Variants in HCK observed in about 807,000 individuals in gnomAD.
HCK encodes tyrosine-protein kinase HCK.
HCK carries 40 observed loss-of-function variants against 70.4 expected under a neutral mutation model. That is an observed-to-expected ratio of 0.57 (90% CI 0.44 to 0.74). The LOEUF is 0.74. Among genes scored for constraint, HCK ranks in the 30% least tolerant of loss-of-function variants. The pLI, the probability that HCK is intolerant of heterozygous loss-of-function variation, is 0.00. For missense variants in HCK, 568 were observed against 697.2 expected (o/e 0.81, Z 2.09); for synonymous variants, 245 against 263.2 (o/e 0.93, Z 0.67).
intron 11 of HCK, among the ~76,000 whole-genome samples, chr20:32,094,838 AAAGAAAG>A (rs1451596968): frequency 4.0e-5 from 5 of 124,788 alleles, no homozygotes; most frequent in East Asian, 2.4e-4. Flanking sequence ...AGAAAGAAAG[AAAGAAAG>A]AAAGAAAAGA....
Position 32,083,888 on chromosome 20 carries a change from A to G in HCK, c.533-6A>G. 1.2e-6 allele frequency: 2 copies of G among 1,614,150 alleles called. No individual in the cohort carries two copies. The highest frequency in any genetic ancestry group is 8.5e-7 in the Non-Finnish European group (1 of 1,180,028). On this transcript the variant is annotated splice_region_variant and splice_polypyrimidine_tract_variant and intron_variant, in intron 6 of 12. Transcript: ENST00000375852. ...ATTCTGAGGGGTTTCTCTTTGGTCA[A>G]TTCAGGAAGCTACTCTTTGTCCGTG...
intron 6 of HCK, among the ~76,000 whole-genome samples, chr20:32,082,501 G>C (rs1022517100): frequency 6.6e-6 from 1 of 152,038 alleles, no homozygotes. Flanking sequence ...AATTAGCCGG[G>C]CGTAGTGGCG....
chr20:32,093,594 C>T (rs2045894227), intron 10 of HCK, among the ~76,000 whole-genome samples: 1 of 151,962 alleles, frequency 6.6e-6, no homozygotes, highest in African/African-American at 2.4e-5. Context: ...ATTGCTTTTT[C>T]CCTGAGAACA....
chr20:32,070,354 C>G (rs754535151), intron 1 of HCK, among the ~76,000 whole-genome samples: 25 of 152,360 alleles, frequency 1.6e-4, no homozygotes, highest in Non-Finnish European at 3.1e-4. Flanking sequence ...AAAGTCCTTA[C>G]TGGCCCTACA....
chr20:32,069,755 A>G (rs769801370), intron 1 of HCK: 91 of 1,277,390 alleles, frequency 7.1e-5, no homozygotes, highest in Non-Finnish European at 9.1e-5. Flanking sequence ...AGAAGAGGTA[A>G]ATCCTTGTAA....
intron 11 of HCK, 22 bp downstream of exon 11, chr20:32,094,038 C>T: frequency 6.3e-7 from 1 of 1,598,854 alleles, no homozygotes; most frequent in Non-Finnish European, 8.5e-7. Flanking sequence ...TGCCAAGCAG[C>T]CCCACGTTGC....
Position 32,094,738 on chromosome 20 carries a change from A to AAAGG in HCK, c.1246+725_1246+726insGAAG, listed in dbSNP as rs1569009608. On this transcript the variant is annotated intron_variant, in intron 11 of 12. Coordinates refer to ENST00000375852, the MANE Select transcript of HCK (RefSeq NM_002110.5). ...GAAAGAAAGAAAGAAAGAAAGAAAG[A>AAAGG]AAGAAAGAAAGAAAGAAAGAAAGAA... Among the ~76,000 whole-genome samples, 34 of 137,604 alleles carry AAAGG rather than the reference A, an allele frequency of 2.5e-4. 2 individuals are homozygous for AAAGG. The highest frequency in any genetic ancestry group is 8.5e-4 in the African/African-American group (31 of 36,476). The allele number at this position is 137,604 out of a possible 152,430, so 90.3% of individuals were successfully genotyped here. A position where few individuals can be genotyped will look rare whatever the true frequency, so the allele number is the denominator to read the frequency against.
At chr20:32,076,051 G>A (rs1367123865) in intron 5 of HCK, among the ~76,000 whole-genome samples, 1 of 152,130 alleles carries the variant, frequency 6.6e-6, no homozygotes, top group Non-Finnish European at 1.5e-5. Context: ...GGCTGGGCAT[G>A]GTGGCTCACA....
intron 5 of HCK, among the ~76,000 whole-genome samples, chr20:32,076,315 C>A (rs1246637425): frequency 6.6e-6 from 1 of 151,704 alleles, no homozygotes; most frequent in Non-Finnish European, 1.5e-5. Context: ...GGGACAAGAG[C>A]GATACTCTGT....
intron 11 of HCK, among the ~76,000 whole-genome samples, chr20:32,094,777 G>GAAAGAAA: frequency 9.7e-6 from 1 of 102,614 alleles, no homozygotes; most frequent in African/African-American, 4.6e-5. Context: ...AAGAAAGAAA[G>GAAAGAAA]AGAGAGAAAG....
rs376306607 is a variant in HCK, at chr20:32,084,078, G to A, written c.682+35G>A. 13 of 1,604,212 alleles carry A rather than the reference G, an allele frequency of 8.1e-6. No homozygotes were observed. In the Admixed American group the frequency reaches 1.0e-4, roughly 13 times the overall value. Reference sequence around the variant, plus strand: ...ACCCCAGGGGTGACATCCCCACCACGATGGGCCCACAGACTCCTAGTCACG... The same window carrying A: ...ACCCCAGGGGTGACATCCCCACCACAATGGGCCCACAGACTCCTAGTCACG... On this transcript the variant is annotated intron_variant, in intron 7 of 12. Coordinates refer to ENST00000375852, the MANE Select transcript of HCK (RefSeq NM_002110.5).
chr20:32,052,585 G>T (rs1045618195), intron 1 of HCK, 99 bp downstream of exon 1: 2 of 906,288 alleles, frequency 2.2e-6, no homozygotes, highest in East Asian at 6.6e-5. Context: ...CTACGGGTGC[G>T]GCTGGGGGCA....
chr20:32,083,646 T>C (rs1210976109), intron 6 of HCK, among the ~76,000 whole-genome samples: 1 of 152,162 alleles, frequency 6.6e-6, no homozygotes, highest in African/African-American at 2.4e-5. Context: ...TATTCCCATT[T>C]TACAGATGAG....
At chr20:32,081,861 T>C (rs2045713099) in intron 6 of HCK, among the ~76,000 whole-genome samples, 1 of 152,228 alleles carries the variant, frequency 6.6e-6, no homozygotes, top group Non-Finnish European at 1.5e-5. Flanking sequence ...ATCACAGATC[T>C]GTGGGGCAGG....
chr20:32,090,238 T>TG (rs1188530684), intron 10 of HCK, among the ~76,000 whole-genome samples: 1 of 152,196 alleles, frequency 6.6e-6, no homozygotes, highest in African/African-American at 2.4e-5. Context: ...AGAGCCACTC[T>TG]GCCCGTTTCA....
rs1356272859 is a variant in HCK, at chr20:32,058,602, C to CAA, written c.62+6119_62+6120dup. Among the ~76,000 whole-genome samples, 24 of 53,152 alleles carry CAA rather than the reference C, an allele frequency of 4.5e-4. No homozygotes were observed. In the Admixed American group the frequency reaches 5.7e-3, roughly 13 times the overall value. The allele number at this position is 53,152 out of a possible 152,430, so 34.9% of individuals were successfully genotyped here. ...TCCTGCAGCACAATTCCTTTTATGT[C>CAA]AAAACACACACACACACACACACAC... is the stretch of plus-strand genomic sequence containing the variant. On this transcript the variant is annotated intron_variant, in intron 1 of 12. Transcript: ENST00000375852.
At chr20:32,098,480 G>A (rs1569016084) in intron 11 of HCK, among the ~76,000 whole-genome samples, 2 of 151,730 alleles carry the variant, frequency 1.3e-5, no homozygotes. Context: ...TGGGCACTCT[G>A]TCTCTAAAAG....
At chr20:32,053,995 T>C (rs62207271) in intron 1 of HCK, among the ~76,000 whole-genome samples, 4,944 of 148,774 alleles carry the variant, frequency 0.033, 142 homozygotes, top group South Asian at 0.12. Flanking sequence ...CTCTTTATGG[T>C]CCTTTTTTTT....
At chr20:32,065,795 C>T (rs1313473681) in intron 1 of HCK, among the ~76,000 whole-genome samples, 3 of 152,122 alleles carry the variant, frequency 2.0e-5, no homozygotes, top group Non-Finnish European at 2.9e-5. Context: ...AGGGTGGGAT[C>T]GGCCCCACCA....
Sources: allele counts gnomAD v4.1 joint callset (sites outside exome capture counted in the v4.1 genomes callset), GRCh38; gene constraint gnomAD v4.1.1; transcripts MANE v1.5; gene names NCBI Gene and HGNC (gene_info 2026-07-23, HGNC 2026-07-21).